Variants in SENP7 observed in about 807,000 individuals in gnomAD.
SENP7 encodes sentrin-specific protease 7.
SENP7 carries 64 observed loss-of-function variants against 141.2 expected under a neutral mutation model. The ratio of observed to expected loss-of-function variants is 0.45; its 90% confidence interval spans 0.37 to 0.56. The LOEUF (loss-of-function observed/expected upper bound fraction) is 0.56. Among genes scored for constraint, SENP7 ranks in the 20% least tolerant of loss-of-function variants. The probability of loss-of-function intolerance (pLI) is 0.00; values close to 1 mark genes in which losing one functional copy is unlikely to be tolerated. For synonymous variants in SENP7, 382 were observed against 426.4 expected (o/e 0.90, Z 1.28); for missense variants, 1,025 against 1,212.2 (o/e 0.85, Z 2.29).
chr3:101,350,662 C>T (rs544215560), intron 12 of SENP7, among the ~76,000 whole-genome samples: 30 of 151,978 alleles, frequency 2.0e-4, no homozygotes, highest in Admixed American at 5.2e-4. Context: ...ATGTTTGTAT[C>T]GCAAGAATTT....
At chr3:101,437,266 G>A (rs887841484) in intron 4 of SENP7, among the ~76,000 whole-genome samples, 2 of 152,078 alleles carry the variant, frequency 1.3e-5, no homozygotes, top group African/African-American at 4.8e-5. Context: ...GACAGTTAAT[G>A]GCTATAATAA....
chr3:101,383,217 A>G (rs1175807049), intron 6 of SENP7, among the ~76,000 whole-genome samples: 1 of 152,134 alleles, frequency 6.6e-6, no homozygotes, highest in Non-Finnish European at 1.5e-5. Context: ...AAGAGTGTGT[A>G]GCAGCCTCCC....
At chr3:101,502,888 C>T (rs1469154005) in intron 1 of SENP7, among the ~76,000 whole-genome samples, 1 of 150,540 alleles carries the variant, frequency 6.6e-6, no homozygotes, top group Non-Finnish European at 1.5e-5. Context: ...TGCATTCCAG[C>T]CTGGGTGACA....
At chr3:101,458,594 C>A (rs192664753) in intron 4 of SENP7, 1 of 164,934 alleles carries the variant, frequency 6.1e-6, no homozygotes, top group East Asian at 1.7e-4. Flanking sequence ...CTGTTTCTGC[C>A]CCACTCCCAC....
chr3:101,385,440 C>T (rs2060625327), intron 6 of SENP7, among the ~76,000 whole-genome samples: 1 of 152,188 alleles, frequency 6.6e-6, no homozygotes. Context: ...TAGGCAGAGT[C>T]TAACGTCAAC....
rs1472464665 is a variant in SENP7, at chr3:101,347,164, G to C, written c.1837+708C>G. Among the ~76,000 whole-genome samples the C allele has an allele frequency of 2.0e-5, 3 of 152,020 alleles. No individual in the cohort carries two copies. The East Asian group carries it at 5.8e-4, about 30-fold the overall frequency. ...ATGAGCCCAGGAGTTTGAGGTTGTG[G>C]GAAGCTATGAACATGCCACTGTACT... is the stretch of plus-strand genomic sequence containing the variant. On this transcript the variant is annotated intron_variant, in intron 13 of 23. Transcript: ENST00000394095.
chr3:101,509,787 T>C (rs2065775435), intron 1 of SENP7, among the ~76,000 whole-genome samples: 1 of 152,236 alleles, frequency 6.6e-6, no homozygotes, highest in Non-Finnish European at 1.5e-5. Context: ...GTTAAAACTA[T>C]AGATTTTGTA....
intron 5 of SENP7, among the ~76,000 whole-genome samples, chr3:101,405,272 C>A (rs532399057): frequency 3.9e-5 from 6 of 152,200 alleles, no homozygotes; most frequent in Middle Eastern, 3.4e-3. Flanking sequence ...TGCAGACAAC[C>A]GCCAGTACCA....
In SENP7 at chr3:101,493,934, A is replaced by G. The variant is rs1279809395; in HGVS notation, c.125T>C (p.Val42Ala). The G allele has an allele frequency of 1.1e-5, 17 of 1,610,414 alleles. No homozygotes were observed. The highest frequency in any genetic ancestry group is 1.4e-5 in the Non-Finnish European group (17 of 1,177,382). Residue 42 changes from valine to alanine, a missense_variant, in exon 3 of 24, where the codon GTC (valine) becomes GCC (alanine). Transcript: ENST00000394095. ...RKMLNAKPEDVHVQSPLSKFR... is the reference protein window; with the variant it reads ...RKMLNAKPEDAHVQSPLSKFR... ...TTTGGACAGTGGTGATTGAACATGG[A>G]CATCCTCTGGTTTTGCATTTAACAT...
At chr3:101,443,157 T>C (rs1000586975) in intron 4 of SENP7, among the ~76,000 whole-genome samples, 2 of 152,216 alleles carry the variant, frequency 1.3e-5, no homozygotes, top group African/African-American at 4.8e-5. Context: ...CAGTTTCAGC[T>C]TTCTACATAT....
intron 1 of SENP7, among the ~76,000 whole-genome samples, chr3:101,503,509 T>C (rs955052181): frequency 3.3e-5 from 5 of 152,136 alleles, no homozygotes; most frequent in Non-Finnish European, 7.4e-5. Flanking sequence ...TGTATAGCAA[T>C]AAAAGATAAT....
intron 4 of SENP7, among the ~76,000 whole-genome samples, chr3:101,419,002 G>A (rs2061706298): frequency 6.6e-6 from 1 of 152,052 alleles, no homozygotes; most frequent in Non-Finnish European, 1.5e-5. Context: ...ACATTACAGA[G>A]AATAAACCAA....
At chr3:101,450,816 G>A (rs1222123881) in intron 4 of SENP7, among the ~76,000 whole-genome samples, 1 of 152,024 alleles carries the variant, frequency 6.6e-6, no homozygotes, top group African/African-American at 2.4e-5. Flanking sequence ...AGAGAAGCAA[G>A]AGCAAACATA....
intron 10 of SENP7, among the ~76,000 whole-genome samples, chr3:101,362,601 T>C (rs1372718324): frequency 3.9e-5 from 6 of 152,306 alleles, no homozygotes. Context: ...TTTATGGCCC[T>C]GGCTCTCCTC....
intron 3 of SENP7, among the ~76,000 whole-genome samples, chr3:101,472,719 T>C (rs191888407): frequency 1.3e-5 from 2 of 152,136 alleles, no homozygotes; most frequent in Admixed American, 1.3e-4. Flanking sequence ...AATAGAGATA[T>C]AAAAGCAGTC....
chr3:101,457,713 A>T, intron 4 of SENP7: 1 of 1,035,642 alleles, frequency 9.7e-7, no homozygotes, highest in Non-Finnish European at 1.5e-6. Context: ...TTCCTGATTC[A>T]TGATTGTTTC....
At chr3:101,389,437 TCAAA>T (rs2060750544) in intron 6 of SENP7, among the ~76,000 whole-genome samples, 1 of 151,698 alleles carries the variant, frequency 6.6e-6, no homozygotes. Context: ...AGAATCTCCA[TCAAA>T]CAAACAGCAG....
chr3:101,510,843 C>CAAAAAAAAAAAA (rs377579284), intron 1 of SENP7, among the ~76,000 whole-genome samples: 2 of 78,336 alleles, frequency 2.6e-5, no homozygotes, highest in Admixed American at 1.8e-4. Context: ...GACTCCATCT[C>CAAAAAAAAAAAA]AAAAAAAAAA....
At chr3:101,369,318 T>A (rs1344358267) in intron 7 of SENP7, among the ~76,000 whole-genome samples, 1 of 152,340 alleles carries the variant, frequency 6.6e-6, no homozygotes, top group South Asian at 2.1e-4. Flanking sequence ...GACTTTTCCA[T>A]TCACGGAACG....
Sources: gnomAD v4.1 joint callset for allele counts (sites outside exome capture counted in the v4.1 genomes callset) on GRCh38, gnomAD v4.1.1 for gene constraint, MANE v1.5 for transcripts, NCBI Gene and HGNC (gene_info 2026-07-23, HGNC 2026-07-21) for gene names.